Variants in SZT2 observed in about 807,000 individuals in gnomAD.
The protein encoded by SZT2 is KICSTOR complex protein SZT2.
A neutral mutation model predicts 404.2 loss-of-function variants in SZT2; 216 were observed. The observed-to-expected ratio is 0.53, with a 90% confidence interval of 0.48 to 0.60. SZT2 has a LOEUF of 0.60. SZT2 is among the 20% of genes least tolerant of loss of function. The pLI is 0.00. For synonymous variants in SZT2, 1,693 were observed against 1,749.9 expected, an observed-to-expected ratio of 0.97 and a Z score of 0.81; for missense variants, 3,857 against 4,459.2, an observed-to-expected ratio of 0.86 and a Z score of 3.85.
chr1:43,397,304 A>C (rs896433618), intron 1 of SZT2, among the ~76,000 whole-genome samples: 2 of 151,718 alleles, frequency 1.3e-5, no homozygotes, highest in African/African-American at 4.8e-5. Flanking sequence ...GCACGTGCTT[A>C]TAGTCCCAGC....
In SZT2 at chr1:43,422,573, G is replaced by C. The variant is rs753643026; in HGVS notation, c.1863G>C (p.Leu621=). ...RISHSSLTSL[L]RDWSSFVLVE... Reference sequence around the variant, plus strand: ...CCCACTCCTCCCTGACCTCTCTGCTGCGGGACTGGAGCAGCTTCGTACTAG... The same window carrying C: ...CCCACTCCTCCCTGACCTCTCTGCTCCGGGACTGGAGCAGCTTCGTACTAG... Residue 621 remains leucine (L), a synonymous_variant, in exon 13 of 72, where the codon CTG becomes CTC. Transcript: ENST00000634258. 15 of 1,597,978 alleles carry C rather than the reference G, an allele frequency of 9.4e-6. No individual in the cohort carries two copies. The Admixed American group carries it at 1.7e-4, about 18-fold the overall frequency.
chr1:43,441,950 C>T lies in SZT2; in HGVS notation c.7743-50C>T. ...AGGCCCAGGGAGGTGAAGGCTAGGC[C>T]AGGGAGTGGTGTCATGGATGGCCTT... On this transcript the variant is annotated intron_variant, in intron 55 of 71. Transcript: ENST00000634258. This position sits in a 1 kb window ranked among gnomAD's most constrained non-coding sequence, Gnocchi z 4.8. 5.6e-6 allele frequency: 9 copies of T among 1,594,214 alleles called. No homozygotes were observed. The highest frequency in any genetic ancestry group is 3.4e-5 in the Admixed American group (2 of 59,022).
intron 5 of SZT2, among the ~76,000 whole-genome samples, chr1:43,415,502 A>G (rs1395431911): frequency 1.3e-5 from 2 of 152,022 alleles, no homozygotes; most frequent in Non-Finnish European, 2.9e-5. Flanking sequence ...CGTGGCTTTG[A>G]CCTCTAGTTA....
intron 4 of SZT2, among the ~76,000 whole-genome samples, chr1:43,410,915 G>A (rs1020000475): frequency 6.6e-6 from 1 of 152,000 alleles, no homozygotes; most frequent in Non-Finnish European, 1.5e-5. Context: ...GTTGGGGGGG[G>A]ATCTTGATAG....
In SZT2 at chr1:43,424,690, C is replaced by A; in HGVS notation, c.2472-94C>A. 1 of 1,131,188 alleles carries A rather than the reference C, an allele frequency of 8.8e-7. No individual in the cohort carries two copies. The highest frequency in any genetic ancestry group is 1.3e-6 in the Non-Finnish European group (1 of 763,428). The allele number at this position is 1,131,188 out of a possible 1,614,324, so 70.1% of individuals were successfully genotyped here. On this transcript the variant is annotated intron_variant, in intron 16 of 71. Transcript: ENST00000634258. The surrounding 1 kb of genome is among the most constrained non-coding windows in gnomAD (Gnocchi z 4.1). Reference sequence around the variant, plus strand: ...AGCAGCAGACTTGGCTCCTTGAGGACTGCTGGGAGGTGGGTGTATGTGGGG... The same window carrying A: ...AGCAGCAGACTTGGCTCCTTGAGGAATGCTGGGAGGTGGGTGTATGTGGGG...
chr1:43,452,285 C>CT lies in SZT2; in HGVS notation c.*1806dup. The CT allele has an allele frequency of 6.2e-7, 1 of 1,614,094 alleles. No homozygotes were observed. Among genetic ancestry groups the CT allele is most frequent in the Non-Finnish European group, 8.5e-7 (1 of 1,179,974 alleles). ...TCAGCCTTGACTGCTATTCGATCAG[C>CT]TCCCTGGGGTACTCGGCCAGCCATC... On this transcript the variant is annotated 3_prime_UTR_variant, in exon 72 of 72. Coordinates refer to ENST00000634258, the MANE Select transcript of SZT2 (RefSeq NM_001365999.1).
In SZT2 at chr1:43,416,639, C is replaced by G; in HGVS notation, c.877C>G (p.Gln293Glu). ...TGGCACTGTGGCTTGTTCCTTTGTC[C>G]AGGTGAGGACTTTTTAGGAAGGACG... ...RSGTVACSFV[Q>E]VGGVYSYDCS... Residue 293 changes from glutamine to glutamate, a missense_variant and splice_region_variant, in exon 7 of 72, where the codon CAG (glutamine) becomes GAG (glutamate). By Grantham distance (29) the Gln-to-Glu change is conservative. Coordinates refer to ENST00000634258, the MANE Select transcript of SZT2 (RefSeq NM_001365999.1). The G allele has an allele frequency of 6.3e-7, 1 of 1,596,576 alleles. No homozygotes were observed. The highest frequency in any genetic ancestry group is 8.5e-7 in the Non-Finnish European group (1 of 1,178,974).
At position 43,429,873 on chromosome 1, in the gene SZT2, G is replaced by A. The variant is rs1437501197; in HGVS notation, c.4308+29G>A. ...GGAAGCTTGGGTGAGGGTAGAAGAG[G>A]TGTTAGAGTCCTGCCTGTGCAGAGG... On this transcript the variant is annotated intron_variant, in intron 29 of 71. Coordinates refer to ENST00000634258, the MANE Select transcript of SZT2 (RefSeq NM_001365999.1). 3 of 1,613,662 alleles carry A rather than the reference G, an allele frequency of 1.9e-6. No individual in the cohort carries two copies. The Admixed American group carries it at 5.0e-5, about 27-fold the overall frequency.
chr1:43,447,683 T>A lies in SZT2; in HGVS notation c.9425T>A (p.Val3142Glu). 6.2e-7 allele frequency: 1 copy of A among 1,614,062 alleles called. No individual in the cohort carries two copies. The highest frequency in any genetic ancestry group is 8.5e-7 in the Non-Finnish European group (1 of 1,179,994). ...CCAGAACACAACGAGTATGCCCTGG[T>A]GTCGGCATGGCACAGGTAAGGCTGA... ...GGPEHNEYAL[V>E]SAWHSSGSYL... Residue 3142 changes from valine (V) to glutamate (E), a missense_variant, in exon 67 of 72, where the codon GTG (valine) becomes GAG (glutamate). Physicochemically the swap from Val to Glu is moderately radical, Grantham distance 121. Around this residue, in one of 7 missense-constraint regions of SZT2, gnomAD observed 717 missense variants for 868.2 expected, o/e 0.83. Transcript: ENST00000634258.
chr1:43,447,400 C>A, intron 66 of SZT2, 145 bp from the exon 67 acceptor site: 1 of 1,206,422 alleles, frequency 8.3e-7, no homozygotes, highest in Non-Finnish European at 1.1e-6. Flanking sequence ...TCTCAGTGTT[C>A]CACAGGAATG....
At chr1:43,399,334 C>A (rs1296881697) in intron 1 of SZT2, among the ~76,000 whole-genome samples, 1 of 152,110 alleles carries the variant, frequency 6.6e-6, no homozygotes, top group African/African-American at 2.4e-5. Context: ...GGCATTATCT[C>A]ATCAAGACCC....
rs536858749 is a variant in SZT2 at position 43,441,629 on chromosome 1, C to T, written c.7609+28C>T. ...GAGACCCCAGCCTCCCCTCCCATCC[C>T]TCAACCCCAGCCTGGTCTCCATCCT... On this transcript the variant is annotated intron_variant, in intron 54 of 71. Transcript: ENST00000634258. The surrounding 1 kb of genome is among the most constrained non-coding windows in gnomAD (Gnocchi z 4.8). 5.3e-5 allele frequency: 86 copies of T among 1,613,972 alleles called. No individual in the cohort carries two copies. In the Admixed American group the frequency reaches 6.5e-4, roughly 12 times the overall value.
In SZT2 at chr1:43,423,763, GAGT is replaced by G. The variant is rs566256164; in HGVS notation, c.2255+450_2256-449del. Among the ~76,000 whole-genome samples the G allele has an allele frequency of 1.7e-3, 247 of 148,802 alleles. 1 individual carries two copies. Among genetic ancestry groups the G allele is most frequent in the African/African-American group, 5.8e-3 (233 of 40,160 alleles). On this transcript the variant is annotated intron_variant, in intron 15 of 71. Coordinates refer to ENST00000634258, the MANE Select transcript of SZT2 (RefSeq NM_001365999.1). ...GGAAGGGCATGGCTCAGCGAGGAATGAGTAGGTCAGAGGTGTGGAAGGGTGTGA... is the reference window on the plus strand; with the variant it reads ...GGAAGGGCATGGCTCAGCGAGGAATGAGGTCAGAGGTGTGGAAGGGTGTGA...
intron 4 of SZT2, among the ~76,000 whole-genome samples, chr1:43,408,246 C>A (rs1042543690): frequency 6.6e-6 from 1 of 151,884 alleles, no homozygotes; most frequent in Non-Finnish European, 1.5e-5. Context: ...TCATTCTAGA[C>A]ACGTGATTTT....
At chr1:43,432,464 G>C (rs759143253) in intron 37 of SZT2, 25 bp downstream of exon 37, 3 of 1,564,684 alleles carry the variant, frequency 1.9e-6, no homozygotes, top group African/African-American at 2.7e-5. Context: ...GGAATGGAGG[G>C]GGGTGGTGGG....
chr1:43,428,988 CAG>C (rs937429948), intron 28 of SZT2: 4 of 163,030 alleles, frequency 2.5e-5, no homozygotes, highest in East Asian at 1.7e-4. Context: ...GTTGGGGAAA[CAG>C]AAGAACTAGA....
chr1:43,445,434 CT>C (rs949352938), intron 62 of SZT2: 1 of 217,006 alleles, frequency 4.6e-6, no homozygotes, highest in African/African-American at 2.3e-5. Flanking sequence ...CCCTTCTCCC[CT>C]ATCCTCTGCA....
chr1:43,392,732 C>T (rs1648552129), intron 1 of SZT2, among the ~76,000 whole-genome samples: 1 of 152,180 alleles, frequency 6.6e-6, no homozygotes, highest in African/African-American at 2.4e-5. Context: ...CATTTTTTAA[C>T]TCCCTGATTT....
chr1:43,421,240 G>A lies in SZT2; in HGVS notation c.1563G>A (p.Thr521=), dbSNP rs768179547. 24 of 1,598,422 alleles carry A rather than the reference G, an allele frequency of 1.5e-5. No homozygotes were observed. Among genetic ancestry groups the A allele is most frequent in the Middle Eastern group, 1.6e-4 (1 of 6,082 alleles). Residue 521 remains threonine, a synonymous_variant, in exon 11 of 72, where the codon ACG becomes ACA. Coordinates refer to ENST00000634258, the MANE Select transcript of SZT2 (RefSeq NM_001365999.1). ...QSFSSVPEHF[T]LPDSTKSGVP... ...TCTCCTCAGTGCCTGAGCATTTCAC[G>A]CTTCCTGACAGCACCAAGAGCGGAG... is the stretch of plus-strand genomic sequence containing the variant.
Sources: allele counts gnomAD v4.1 joint callset (sites outside exome capture counted in the v4.1 genomes callset), GRCh38; gene constraint gnomAD v4.1.1; regional missense constraint gnomAD v4.1.1; non-coding constraint Gnocchi (gnomAD v3.1); transcripts MANE v1.5; gene names NCBI Gene and HGNC (gene_info 2026-07-23, HGNC 2026-07-21).